The following DENND4A variants were observed in gnomAD, a reference collection of about 807,000 sequenced individuals.
The protein encoded by DENND4A is DENN domain containing 4A, also known as C-myc promoter-binding protein.
In DENND4A, 70 loss-of-function variants were observed where a neutral mutation model predicts 199.3. The observed-to-expected ratio is 0.35, with a 90% CI of 0.29 to 0.43. The LOEUF is 0.43. DENND4A is among the 20% of genes least tolerant of loss of function. The pLI is 1.00. For synonymous variants in DENND4A, 686 were observed against 766.9 expected (o/e 0.89, Z 1.74); for missense variants, 1,723 against 2,255.8 (o/e 0.76, Z 4.78).
At chr15:65,752,129 G>GA (rs1397322145) in intron 4 of DENND4A, among the ~76,000 whole-genome samples, 3 of 147,992 alleles carry the variant, frequency 2.0e-5, no homozygotes, top group Admixed American at 6.8e-5. Context: ...GTAGTGGGCG[G>GA]GGGGGGTGGG....
rs1011453085 is a variant in DENND4A at position 65,661,267 on chromosome 15, A to G, written c.*584T>C. The G allele has an allele frequency of 6.6e-6, 1 of 152,234 alleles. No individual in the cohort carries two copies. Among genetic ancestry groups the G allele is most frequent in the Non-Finnish European group, 1.5e-5 (1 of 68,054 alleles). 9.4% of individuals were successfully genotyped at this position (152,234 alleles called of 1,614,324 possible). On this transcript the variant is annotated 3_prime_UTR_variant, in exon 33 of 33. Coordinates refer to ENST00000443035, the MANE Select transcript of DENND4A (RefSeq NM_001320835.1). Reference sequence around the variant, plus strand: ...ATAAAAAATATATATATAGATAGATATACACAGAGAGATCTGCAGCTGTAC... The same window carrying G: ...ATAAAAAATATATATATAGATAGATGTACACAGAGAGATCTGCAGCTGTAC...
rs72498783 is a variant in DENND4A at position 65,720,947 on chromosome 15, T to TTATATATATA, written c.1588+1891_1588+1900dup. Among the ~76,000 whole-genome samples the TTATATATATA allele has an allele frequency of 6.2e-3, 475 of 76,094 alleles. 16 individuals carry two copies. The highest frequency in any genetic ancestry group is 0.015 in the African/African-American group (282 of 18,968). The allele number at this position is 76,094 out of a possible 152,430, so 49.9% of individuals were successfully genotyped here. On this transcript the variant is annotated intron_variant, in intron 12 of 32. Coordinates refer to ENST00000443035, the MANE Select transcript of DENND4A (RefSeq NM_001320835.1). Reference sequence around the variant, plus strand: ...AAAGTTGAATGGGCTGTTTCATTGATTATATATATATATATATATATATAT... The same window carrying TTATATATATA: ...AAAGTTGAATGGGCTGTTTCATTGATTATATATATATATATATATATATATATATATATAT...
chr15:65,697,241 A>G, intron 21 of DENND4A, 26 bp downstream of exon 21: 1 of 1,362,828 alleles, frequency 7.3e-7, no homozygotes, highest in East Asian at 2.4e-5. Flanking sequence ...TCAATTTTAT[A>G]CAATATCAAC....
intron 30 of DENND4A, chr15:65,664,930 T>C (rs1596378452): frequency 2.0e-6 from 1 of 512,616 alleles, no homozygotes; most frequent in East Asian, 3.1e-5. Flanking sequence ...TGGTCTTAAA[T>C]AGACAATAAC....
chr15:65,764,832 G>T (rs992830072), intron 1 of DENND4A, among the ~76,000 whole-genome samples: 1 of 151,708 alleles, frequency 6.6e-6, no homozygotes, highest in Non-Finnish European at 1.5e-5. Flanking sequence ...AATTTGCTGG[G>T]TGTGGTAGTG....
At chr15:65,668,911 A>T (rs919903914) in intron 27 of DENND4A, among the ~76,000 whole-genome samples, 3 of 152,136 alleles carry the variant, frequency 2.0e-5, no homozygotes, top group Non-Finnish European at 2.9e-5. Flanking sequence ...ATATATTTTT[A>T]AGTAGTATAG....
chr15:65,668,201 T>C, intron 27 of DENND4A, 78 bp from the exon 28 acceptor site: 2 of 949,906 alleles, frequency 2.1e-6, no homozygotes, highest in South Asian at 1.9e-5. Flanking sequence ...ATGTTCTCTC[T>C]CTCTCTCTCT....
intron 4 of DENND4A, among the ~76,000 whole-genome samples, chr15:65,748,191 A>T (rs1484223847): frequency 6.6e-6 from 1 of 152,074 alleles, no homozygotes; most frequent in African/African-American, 2.4e-5. Context: ...GCAAAGTGTT[A>T]ATTTACATAA....
At chr15:65,709,249 GAT>G (rs764275161) in intron 14 of DENND4A, among the ~76,000 whole-genome samples, 1 of 152,136 alleles carries the variant, frequency 6.6e-6, no homozygotes, top group Non-Finnish European at 1.5e-5. Flanking sequence ...AACATATGCA[GAT>G]GAATAGTAAG....
intron 23 of DENND4A, among the ~76,000 whole-genome samples, chr15:65,686,137 C>T (rs897742603): frequency 2.0e-5 from 3 of 152,126 alleles, no homozygotes; most frequent in African/African-American, 7.2e-5. Context: ...TTAACAATAC[C>T]GAGTCTTCAA....
chr15:65,701,279 A>C, intron 18 of DENND4A, 87 bp from the exon 19 acceptor site: 13 of 1,182,640 alleles, frequency 1.1e-5, no homozygotes, highest in Non-Finnish European at 1.5e-5. Context: ...AAAGAATATC[A>C]AAGTAGGCCA....
chr15:65,738,930 T>C, intron 5 of DENND4A, 55 bp from the exon 6 acceptor site: 1 of 1,286,138 alleles, frequency 7.8e-7, no homozygotes. Flanking sequence ...AGGTACTTAT[T>C]ATTTCAATGA....
chr15:65,789,373 T>G (rs2077654770), intron 1 of DENND4A, among the ~76,000 whole-genome samples: 1 of 152,116 alleles, frequency 6.6e-6, no homozygotes, highest in South Asian at 2.1e-4. Context: ...TAAAAGTACA[T>G]TTCTACATTG....
At chr15:65,669,112 G>A (rs899687621) in intron 27 of DENND4A, among the ~76,000 whole-genome samples, 6 of 152,094 alleles carry the variant, frequency 3.9e-5, no homozygotes, top group East Asian at 1.9e-4. Context: ...ACAATAGACC[G>A]GTGATGAAAG....
At chr15:65,774,351 G>A (rs2077220578) in intron 1 of DENND4A, among the ~76,000 whole-genome samples, 1 of 152,222 alleles carries the variant, frequency 6.6e-6, no homozygotes, top group East Asian at 1.9e-4. Flanking sequence ...TTAGCCAGGT[G>A]TGGTGGCGCA....
intron 11 of DENND4A, among the ~76,000 whole-genome samples, chr15:65,724,025 T>C (rs1339405252): frequency 6.6e-6 from 1 of 151,946 alleles, no homozygotes; most frequent in African/African-American, 2.4e-5. Flanking sequence ...TTGCAAAGCA[T>C]TTGGACTTAA....
rs2142068887 is a variant in DENND4A at position 65,690,663 on chromosome 15, T to C, written c.3931A>G (p.Ser1311Gly). ...GGTTTCTCCTCACTTTTTGTGTAAC[T>C]TTTAGATTTGGTAAGTCTCACTGGC... ...PKPVRLTKSK[S>G]YTKSEEKPRD... Residue 1311 changes from serine to glycine, a missense_variant, in exon 23 of 33, where the codon AGT (serine) becomes GGT (glycine). Transcript: ENST00000443035. 2 of 1,613,712 alleles carry C rather than the reference T, an allele frequency of 1.2e-6. No individual in the cohort carries two copies. Among genetic ancestry groups the C allele is most frequent in the East Asian group, 4.5e-5 (2 of 44,872 alleles).
chr15:65,787,373 T>C (rs2077592214), intron 1 of DENND4A, among the ~76,000 whole-genome samples: 1 of 152,204 alleles, frequency 6.6e-6, no homozygotes. Context: ...TACATTTTAA[T>C]GACTCACTAT....
chr15:65,754,923 T>C (rs138612212), intron 3 of DENND4A, among the ~76,000 whole-genome samples: 2 of 152,236 alleles, frequency 1.3e-5, no homozygotes, highest in Non-Finnish European at 2.9e-5. Context: ...AAATAAAAAA[T>C]GAAAATACAT....
Sources: gnomAD v4.1 joint callset for allele counts (sites outside exome capture counted in the v4.1 genomes callset) on GRCh38, gnomAD v4.1.1 for gene constraint, MANE v1.5 for transcripts, NCBI Gene and HGNC (gene_info 2026-07-23, HGNC 2026-07-21) for gene names.